DYNC2H1: variants seen among roughly 807,000 people sequenced by gnomAD.
DYNC2H1 encodes dynein cytoplasmic 2 heavy chain 1.
DYNC2H1 carries 410 observed loss-of-function variants against 570.0 expected under a neutral mutation model. That is an observed-to-expected ratio of 0.72 (90% CI 0.66 to 0.78). The LOEUF is 0.78. DYNC2H1 is among the 30% of genes least tolerant of loss of function. The pLI is 0.00. For missense variants in DYNC2H1, 4,865 were observed against 5,046.4 expected, an observed-to-expected ratio of 0.96 and a Z score of 1.09; for synonymous variants, 1,688 against 1,677.6, an observed-to-expected ratio of 1.01 and a Z score of -0.15.
At chr11:103,180,043 T>C (rs560258211) in intron 39 of DYNC2H1, among the ~76,000 whole-genome samples, 1 of 151,826 alleles carries the variant, frequency 6.6e-6, no homozygotes, top group African/African-American at 2.4e-5. Context: ...TGTTTACTTT[T>C]TTGACAGTAT....
Position 103,204,724 on chromosome 11 carries a change from A to G in DYNC2H1, c.8312-98A>G. 1.2e-6 allele frequency: 1 copy of G among 855,618 alleles called. No homozygotes were observed. The allele number at this position is 855,618 out of a possible 1,614,324, so 53.0% of individuals were successfully genotyped here. On this transcript the variant is annotated intron_variant, in intron 51 of 88. Transcript: ENST00000375735. This position sits in a 1 kb window ranked among gnomAD's most constrained non-coding sequence, Gnocchi z 4.1. Reference sequence around the variant, plus strand: ...GTTTTATATTGTGCTCGTTTTAAGAAACAACTCCTACTATTTCATTTGAGA... The same window carrying G: ...GTTTTATATTGTGCTCGTTTTAAGAGACAACTCCTACTATTTCATTTGAGA...
At position 103,254,823 on chromosome 11, in the gene DYNC2H1, G is replaced by A. The variant is rs1331668308; in HGVS notation, c.10207-592G>A. On this transcript the variant is annotated intron_variant, in intron 66 of 88. Coordinates refer to ENST00000375735, the MANE Select transcript of DYNC2H1 (RefSeq NM_001377.3). This position sits in a 1 kb window ranked among gnomAD's most constrained non-coding sequence, Gnocchi z 4.9. ...GTCTGGCACTGTTGCCCAGGCTGGA[G>A]TGCAATGGCGCAATCTCGGCTCACT... 6.6e-6 allele frequency among the ~76,000 whole-genome samples: 1 copy of A among 152,048 alleles called. No homozygotes were observed. Among genetic ancestry groups the A allele is most frequent in the Non-Finnish European group, 1.5e-5 (1 of 68,014 alleles).
intron 84 of DYNC2H1, among the ~76,000 whole-genome samples, chr11:103,428,360 T>C (rs2135734641): frequency 6.6e-6 from 1 of 152,222 alleles, no homozygotes; most frequent in East Asian, 1.9e-4. Flanking sequence ...GTACATAGTC[T>C]ATATTCAATG....
At chr11:103,269,387 A>G (rs1228647450) in intron 70 of DYNC2H1, among the ~76,000 whole-genome samples, 1 of 152,162 alleles carries the variant, frequency 6.6e-6, no homozygotes, top group Non-Finnish European at 1.5e-5. Context: ...TATTTAATGA[A>G]AGCTTTTAGG....
intron 82 of DYNC2H1, among the ~76,000 whole-genome samples, chr11:103,357,745 G>A (rs1022174685): frequency 9.8e-5 from 15 of 152,328 alleles, no homozygotes; most frequent in African/African-American, 3.6e-4. Flanking sequence ...TTGAGCCCAG[G>A]AGTTCAAGAC....
chr11:103,247,610 C>G (rs1239731405), intron 65 of DYNC2H1, among the ~76,000 whole-genome samples: 1 of 152,038 alleles, frequency 6.6e-6, no homozygotes, highest in African/African-American at 2.4e-5. Flanking sequence ...GACAGGACAA[C>G]TACCTAACAA....
At chr11:103,159,080 A>G in intron 28 of DYNC2H1, 53 bp downstream of exon 28, 1 of 1,421,348 alleles carries the variant, frequency 7.0e-7, no homozygotes, top group Non-Finnish European at 9.8e-7. Context: ...ACTGTCTGCC[A>G]GGCCTAATAT....
At chr11:103,315,765 G>T (rs1303717208) in intron 79 of DYNC2H1, among the ~76,000 whole-genome samples, 2 of 151,564 alleles carry the variant, frequency 1.3e-5, no homozygotes, top group African/African-American at 4.8e-5. Context: ...ATTGTCTCCA[G>T]CCCACTCTTT....
rs1398041456 is a variant in DYNC2H1, at chr11:103,283,699, C to T, written c.10890+614C>T. Reference sequence around the variant, plus strand: ...TGTCACAGATGAGGAAATTAAGGCACATAGAGATATAGTAACTTGTTTATG... The same window carrying T: ...TGTCACAGATGAGGAAATTAAGGCATATAGAGATATAGTAACTTGTTTATG... On this transcript the variant is annotated intron_variant, in intron 73 of 88. Transcript: ENST00000375735. Among the ~76,000 whole-genome samples the T allele has an allele frequency of 2.6e-5, 4 of 152,088 alleles. No individual in the cohort carries two copies. In the East Asian group the frequency reaches 7.7e-4, roughly 29 times the overall value.
At chr11:103,436,586 T>G (rs1174189958) in intron 85 of DYNC2H1, among the ~76,000 whole-genome samples, 2 of 152,106 alleles carry the variant, frequency 1.3e-5, no homozygotes, top group Admixed American at 1.3e-4. Context: ...GCCTTTTGTT[T>G]TAACCACATT....
intron 31 of DYNC2H1, among the ~76,000 whole-genome samples, chr11:103,166,990 C>CTTTTTTTTTTTTTTTTTTTTTTTTTT (rs34816989): frequency 1.1e-4 from 6 of 56,988 alleles, no homozygotes; most frequent in East Asian, 6.3e-4. Flanking sequence ...GAGGCGCTGC[C>CTTTTTTTTTTTTTTTTTTTTTTTTTT]TTTTTTTTTT....
intron 17 of DYNC2H1, 37 bp from the exon 18 acceptor site, chr11:103,143,231 G>C: frequency 1.9e-6 from 3 of 1,597,334 alleles, no homozygotes; most frequent in Non-Finnish European, 2.6e-6. Flanking sequence ...TATTGGTTCT[G>C]TGTCTTTAAT....
intron 78 of DYNC2H1, among the ~76,000 whole-genome samples, chr11:103,310,700 G>GTTTTA: frequency 1.9e-4 from 1 of 5,356 alleles, no homozygotes; most frequent in South Asian, 5.3e-3. Context: ...TTTTTTTTTG[G>GTTTTA]GAGACTGAGT....
Position 103,293,476 on chromosome 11 carries a change from T to A in DYNC2H1, c.11095+5871T>A, listed in dbSNP as rs182209113. On this transcript the variant is annotated intron_variant, in intron 75 of 88. Transcript: ENST00000375735. ...TTATCTTTCTCTATGCTAGGCAAGT[T>A]CTCTGTTATTATTTCTTTGAACAAA... Among the ~76,000 whole-genome samples the A allele has an allele frequency of 2.8e-4, 42 of 152,292 alleles. 1 individual carries two copies. The East Asian group carries it at 7.9e-3, about 29-fold the overall frequency.
Position 103,268,414 on chromosome 11 carries a change from A to G in DYNC2H1, c.10695+8437A>G, listed in dbSNP as rs977546543. Reference sequence around the variant, plus strand: ...CTTTTGCTTTATATAGAAAAAGTCTATTTTGCTGTAATTATTATCTTCTAT... The same window carrying G: ...CTTTTGCTTTATATAGAAAAAGTCTGTTTTGCTGTAATTATTATCTTCTAT... On this transcript the variant is annotated intron_variant, in intron 70 of 88. Transcript: ENST00000375735. This position sits in a 1 kb window ranked among gnomAD's most constrained non-coding sequence, Gnocchi z 4.6. Among the ~76,000 whole-genome samples the G allele has an allele frequency of 6.6e-6, 1 of 151,856 alleles. No homozygotes were observed. Among genetic ancestry groups the G allele is most frequent in the Admixed American group, 6.6e-5 (1 of 15,252 alleles).
chr11:103,215,594 C>T (rs1863347121), intron 54 of DYNC2H1, 127 bp from the exon 55 acceptor site: 3 of 843,948 alleles, frequency 3.6e-6, no homozygotes, highest in Non-Finnish European at 1.6e-6. Context: ...AAACCTAAGT[C>T]TACTTGCTAC....
In DYNC2H1 at chr11:103,259,891, T is replaced by A; in HGVS notation, c.10609T>A (p.Ser3537Thr). ...AATTTCCAATTATAATCTACAGGATTCTGAAAATACAGAACAGAGAATCCA... is the reference window on the plus strand; with the variant it reads ...AATTTCCAATTATAATCTACAGGATACTGAAAATACAGAACAGAGAATCCA... ...FQRALQNKQD[S>T]ENTEQRIQSL... The change falls in exon 70 of 89, where the codon TCT becomes ACT. Residue 3537 changes from serine (S) to threonine (T), a missense_variant. Transcript: ENST00000375735. 6.6e-7 allele frequency: 1 copy of A among 1,523,264 alleles called. No individual in the cohort carries two copies. The highest frequency in any genetic ancestry group is 8.8e-7 in the Non-Finnish European group (1 of 1,131,662). 94.4% of individuals were successfully genotyped at this position (1,523,264 alleles called of 1,614,324 possible). A position where few individuals can be genotyped will look rare whatever the true frequency, so the allele number is the denominator to read the frequency against.
At chr11:103,382,123 C>T (rs2032010316) in intron 83 of DYNC2H1, among the ~76,000 whole-genome samples, 1 of 84,034 alleles carries the variant, frequency 1.2e-5, no homozygotes, top group Non-Finnish European at 2.9e-5. Context: ...TTTTTAATAC[C>T]TGTTGATGGT....
rs6144488 is a variant in DYNC2H1 at position 103,467,509 on chromosome 11, C to CTGTTT, written c.12649-1037_12649-1033dup. Among the ~76,000 whole-genome samples, 1,087 of 149,284 alleles carry CTGTTT rather than the reference C, an allele frequency of 7.3e-3. 8 individuals carry two copies. The highest frequency in any genetic ancestry group is 0.021 in the African/African-American group (854 of 40,368). On this transcript the variant is annotated intron_variant, in intron 87 of 88. Coordinates refer to ENST00000375735, the MANE Select transcript of DYNC2H1 (RefSeq NM_001377.3). Reference sequence around the variant, plus strand: ...TTTAGTATGTTAAAATTTGAAGGCACTGTTTTGTTTTGTTTTGTTTTGTTT... The same window carrying CTGTTT: ...TTTAGTATGTTAAAATTTGAAGGCACTGTTTTGTTTTGTTTTGTTTTGTTTTGTTT...
Sources: gnomAD v4.1 joint callset for allele counts (sites outside exome capture counted in the v4.1 genomes callset) on GRCh38, gnomAD v4.1.1 for gene constraint, Gnocchi (gnomAD v3.1) non-coding constraint, MANE v1.5 for transcripts, NCBI Gene and HGNC (gene_info 2026-07-23, HGNC 2026-07-21) for gene names.